Variants in PTPN9 observed in about 807,000 individuals in gnomAD.
PTPN9 encodes tyrosine-protein phosphatase non-receptor type 9.
Under a neutral mutation model 69.8 loss-of-function variants are expected in PTPN9, and 26 were observed. The ratio of observed to expected loss-of-function variants is 0.37; its 90% confidence interval spans 0.27 to 0.52. PTPN9 has a LOEUF of 0.52. Ranked by LOEUF, PTPN9 falls within the 20% of genes least tolerant of loss-of-function variation. PTPN9 has a pLI of 0.91. For missense variants in PTPN9, 549 were observed against 740.3 expected (o/e 0.74, Z 3.00); for synonymous variants, 274 against 272.5 (o/e 1.01, Z -0.05).
intron 7 of PTPN9, among the ~76,000 whole-genome samples, chr15:75,503,538 G>A (rs2074787941): frequency 8.4e-6 from 1 of 119,250 alleles, no homozygotes; most frequent in East Asian, 2.4e-4. Context: ...CCGTCCGGGA[G>A]GGAGGTGGGG....
In PTPN9 at chr15:75,525,201, C is replaced by CT. The variant is rs896539584; in HGVS notation, c.208-904dup. ...TTTTCCTCACCCTGATGGCCAGATTCTTTTTTTTTTTTTAATTGAGACCAA... is the reference window on the plus strand; with the variant it reads ...TTTTCCTCACCCTGATGGCCAGATTCTTTTTTTTTTTTTTAATTGAGACCAA... On this transcript the variant is annotated intron_variant, in intron 2 of 12. Transcript: ENST00000618819. 2.0e-3 allele frequency among the ~76,000 whole-genome samples: 284 copies of CT among 144,148 alleles called. 1 individual carries two copies. Among genetic ancestry groups the CT allele is most frequent in the African/African-American group, 5.8e-3 (230 of 39,340 alleles). The allele number at this position is 144,148 out of a possible 152,430, so 94.6% of individuals were successfully genotyped here.
chr15:75,468,666 G>A lies in PTPN9; in HGVS notation c.*103C>T. 9.9e-7 allele frequency: 1 copy of A among 1,006,632 alleles called. No homozygotes were observed. Among genetic ancestry groups the A allele is most frequent in the Non-Finnish European group, 1.5e-6 (1 of 662,454 alleles). 62.4% of individuals were successfully genotyped at this position (1,006,632 alleles called of 1,614,324 possible). Reference sequence around the variant, plus strand: ...GTGTGCTGGGAGACACAAGAAAGAAGTTGATCCATGGCTTCAGCGTAACTG... The same window carrying A: ...GTGTGCTGGGAGACACAAGAAAGAAATTGATCCATGGCTTCAGCGTAACTG... On this transcript the variant is annotated 3_prime_UTR_variant, in exon 13 of 13. Transcript: ENST00000618819.
At chr15:75,486,788 T>G (rs1052685986) in intron 8 of PTPN9, among the ~76,000 whole-genome samples, 4 of 149,736 alleles carry the variant, frequency 2.7e-5, no homozygotes, top group South Asian at 2.1e-4. Context: ...GGTGTTTTTT[T>G]TTTTTTTTTT....
chr15:75,523,131 C>T lies in PTPN9; in HGVS notation c.412G>A (p.Ala138Thr). 3 of 1,613,994 alleles carry T rather than the reference C, an allele frequency of 1.9e-6. No individual in the cohort carries two copies. The highest frequency in any genetic ancestry group is 2.5e-6 in the Non-Finnish European group (3 of 1,179,948). The change falls in exon 4 of 13, where the codon GCT (alanine) becomes ACT (threonine). Residue 138 changes from alanine to threonine, a missense_variant. Transcript: ENST00000618819. The part of the protein sequence containing the change: ...LQALFYLLDR[A>T]VDSFETQRNG... ...AATCTCAATGCTTACCTATCCACAG[C>T]TCTGTCTAGCAAGTAAAACAGAGCC...
intron 7 of PTPN9, among the ~76,000 whole-genome samples, chr15:75,505,311 C>T (rs2074812768): frequency 6.7e-6 from 1 of 149,794 alleles, no homozygotes; most frequent in Non-Finnish European, 1.5e-5. Flanking sequence ...CCCAGGGACA[C>T]AAACACTGCG....
chr15:75,555,224 T>C (rs935674000), intron 1 of PTPN9, among the ~76,000 whole-genome samples: 1 of 152,158 alleles, frequency 6.6e-6, no homozygotes, highest in African/African-American at 2.4e-5. Flanking sequence ...TTTCATCCAG[T>C]TCAGACTGCT....
intron 5 of PTPN9, among the ~76,000 whole-genome samples, chr15:75,515,032 C>T (rs935357271): frequency 3.9e-5 from 6 of 152,102 alleles, no homozygotes; most frequent in South Asian, 2.1e-4. Flanking sequence ...ACAATCTACT[C>T]CTAAGTGTAT....
At chr15:75,484,498 C>G (rs2074662059) in intron 8 of PTPN9, among the ~76,000 whole-genome samples, 1 of 152,184 alleles carries the variant, frequency 6.6e-6, no homozygotes, top group African/African-American at 2.4e-5. Context: ...TACCTCTCTT[C>G]CAGGGTATTC....
At chr15:75,499,877 G>A (rs2074763720) in intron 7 of PTPN9, among the ~76,000 whole-genome samples, 1 of 152,010 alleles carries the variant, frequency 6.6e-6, no homozygotes, top group Admixed American at 6.6e-5. Context: ...ATATTTCCTT[G>A]ATTCAAGACT....
chr15:75,539,816 C>A (rs1317150625), intron 1 of PTPN9, among the ~76,000 whole-genome samples: 1 of 140,170 alleles, frequency 7.1e-6, no homozygotes, highest in Non-Finnish European at 1.5e-5. Flanking sequence ...GGATTACAGG[C>A]GCGCACCACC....
chr15:75,571,915 G>A (rs1386568211), intron 1 of PTPN9, among the ~76,000 whole-genome samples: 2 of 152,066 alleles, frequency 1.3e-5, no homozygotes, highest in Admixed American at 1.3e-4. Flanking sequence ...ACTATTAACA[G>A]AAACATAAGT....
At chr15:75,528,044 T>G (rs2074938832) in intron 1 of PTPN9, among the ~76,000 whole-genome samples, 1 of 152,192 alleles carries the variant, frequency 6.6e-6, no homozygotes, top group African/African-American at 2.4e-5. Context: ...GTAAAATTAT[T>G]AAGAAGAACT....
At chr15:75,573,183 T>G (rs1374064140) in intron 1 of PTPN9, among the ~76,000 whole-genome samples, 3 of 152,222 alleles carry the variant, frequency 2.0e-5, no homozygotes, top group Non-Finnish European at 2.9e-5. Flanking sequence ...GTTAACTATG[T>G]GACCTTGGGC....
At chr15:75,482,610 A>G (rs1243915838) in intron 8 of PTPN9, among the ~76,000 whole-genome samples, 1 of 148,116 alleles carries the variant, frequency 6.8e-6, no homozygotes, top group Admixed American at 6.7e-5. Flanking sequence ...ACCAATCCCT[A>G]ATCTCAAGTA....
intron 7 of PTPN9, among the ~76,000 whole-genome samples, chr15:75,491,325 C>G (rs1311512514): frequency 6.6e-6 from 1 of 151,834 alleles, no homozygotes; most frequent in Non-Finnish European, 1.5e-5. Context: ...ATCGCTTGAA[C>G]CTGGGAGGTG....
intron 1 of PTPN9, among the ~76,000 whole-genome samples, chr15:75,542,533 T>C (rs1481176603): frequency 6.6e-6 from 1 of 152,156 alleles, no homozygotes. Flanking sequence ...AAGTGAAGTT[T>C]CCCATCTGAG....
At chr15:75,542,521 C>A (rs1027696688) in intron 1 of PTPN9, among the ~76,000 whole-genome samples, 4 of 152,164 alleles carry the variant, frequency 2.6e-5, no homozygotes, top group Non-Finnish European at 5.9e-5. Context: ...CCAGGGTTGA[C>A]CAAGTGAAGT....
intron 6 of PTPN9, among the ~76,000 whole-genome samples, chr15:75,506,277 T>C (rs2141311336): frequency 6.6e-6 from 1 of 152,306 alleles, no homozygotes; most frequent in Admixed American, 6.5e-5. Flanking sequence ...GACGATGTAG[T>C]GAACAAAAGC....
chr15:75,469,892 G>A lies in PTPN9; in HGVS notation c.1467C>T (p.Asn489=). The part of the protein sequence containing the change: ...SLIDFLRVVR[N]QQSLAVSNMG... ...TGTTGCTCACAGCCAGACTCTGCTGGTTTCTGACCACTCTCAAGAAGTCAA... is the reference window on the plus strand; with the variant it reads ...TGTTGCTCACAGCCAGACTCTGCTGATTTCTGACCACTCTCAAGAAGTCAA... The change falls in exon 12 of 13, where the codon AAC becomes AAT. Residue 489 remains asparagine, a synonymous_variant. Coordinates refer to ENST00000618819, the MANE Select transcript of PTPN9 (RefSeq NM_002833.4). The A allele has an allele frequency of 6.2e-7, 1 of 1,614,204 alleles. No individual in the cohort carries two copies. Among genetic ancestry groups the A allele is most frequent in the African/African-American group, 1.3e-5 (1 of 75,058 alleles).
Sources: gnomAD v4.1 joint callset for allele counts (sites outside exome capture counted in the v4.1 genomes callset) on GRCh38, gnomAD v4.1.1 for gene constraint, MANE v1.5 for transcripts, NCBI Gene and HGNC (gene_info 2026-07-23, HGNC 2026-07-21) for gene names.